DMRT3: variants seen among roughly 807,000 people sequenced by gnomAD.
DMRT3 encodes doublesex- and mab-3-related transcription factor 3.
DMRT3 carries 29 observed loss-of-function variants against 34.9 expected under a neutral mutation model. The ratio of observed to expected loss-of-function variants is 0.83; its 90% CI spans 0.62 to 1.13. The LOEUF (loss-of-function observed/expected upper bound fraction) is 1.13, where lower values mean the gene tolerates loss of function less well. DMRT3 is among the 50% of genes most tolerant of loss of function. The pLI, the probability that DMRT3 is intolerant of heterozygous loss-of-function variation, is 0.00. For missense variants in DMRT3, 772 were observed against 629.1 expected, an observed-to-expected ratio of 1.23 and a Z score of -2.43; for synonymous variants, 350 against 286.0, an observed-to-expected ratio of 1.22 and a Z score of -2.26.
intron 1 of DMRT3, among the ~76,000 whole-genome samples, chr9:986,349 C>G (rs1399195330): frequency 6.6e-6 from 1 of 151,972 alleles, no homozygotes; most frequent in Non-Finnish European, 1.5e-5. Context: ...AAAAAGCCTC[C>G]ATTTTTGTAA....
chr9:986,273 G>C (rs924063514), intron 1 of DMRT3, among the ~76,000 whole-genome samples: 1 of 152,098 alleles, frequency 6.6e-6, no homozygotes, highest in Admixed American at 6.5e-5. Context: ...TATATTGTCA[G>C]ACTTGTAATC....
intron 1 of DMRT3, among the ~76,000 whole-genome samples, chr9:980,693 T>A (rs1002403350): frequency 2.3e-5 from 3 of 128,224 alleles, no homozygotes; most frequent in African/African-American, 8.4e-5. Context: ...CTTCTCCCCA[T>A]GAAAATACAG....
chr9:985,436 G>A (rs896556028), intron 1 of DMRT3, among the ~76,000 whole-genome samples: 3 of 152,096 alleles, frequency 2.0e-5, no homozygotes, highest in African/African-American at 7.2e-5. Flanking sequence ...ACATTTCTAT[G>A]TCTAGAAAGG....
At chr9:979,628 A>T (rs998710891) in intron 1 of DMRT3, among the ~76,000 whole-genome samples, 8 of 151,590 alleles carry the variant, frequency 5.3e-5, no homozygotes, top group Non-Finnish European at 1.2e-4. Context: ...GCAAATCACC[A>T]CTCTGATGGG....
intron 1 of DMRT3, among the ~76,000 whole-genome samples, chr9:982,701 C>G (rs1820236945): frequency 6.6e-6 from 1 of 152,182 alleles, no homozygotes. Context: ...ATCAAAGTCC[C>G]TGGAGGACTC....
intron 1 of DMRT3, among the ~76,000 whole-genome samples, chr9:980,602 G>GTATA (rs71327365): frequency 1.6e-4 from 23 of 142,170 alleles, no homozygotes; most frequent in South Asian, 1.5e-3. Flanking sequence ...ATATGTGTGT[G>GTATA]TATATATATA....
At chr9:977,556 C>T (rs279891) in intron 1 of DMRT3, 101 bp downstream of exon 1, 9 of 1,084,466 alleles carry the variant, frequency 8.3e-6, no homozygotes, top group African/African-American at 5.0e-5. Context: ...AGTTTTGGGA[C>T]GTGGGCCTGT....
At position 991,113 on chromosome 9, in the gene DMRT3, A is replaced by AGC; in HGVS notation, c.*108_*109insGC. On this transcript the variant is annotated 3_prime_UTR_variant, in exon 2 of 2. Transcript: ENST00000190165. ...GTATGCCCTTTCCTTCTGTTTGACA[A>AGC]AGTGACTGTGCTTGATTCTATACAT... The AGC allele has an allele frequency of 7.0e-7, 1 of 1,423,246 alleles. No individual in the cohort carries two copies. The highest frequency in any genetic ancestry group is 1.4e-5 in the African/African-American group (1 of 69,976). 88.2% of individuals were successfully genotyped at this position (1,423,246 alleles called of 1,614,324 possible). A position where few individuals can be genotyped will look rare whatever the true frequency, so the allele number is the denominator to read the frequency against.
intron 1 of DMRT3, among the ~76,000 whole-genome samples, chr9:988,378 C>T (rs1194631836): frequency 6.6e-6 from 1 of 152,156 alleles, no homozygotes; most frequent in Non-Finnish European, 1.5e-5. Context: ...CTTATGTTTG[C>T]CACATATTTA....
intron 1 of DMRT3, among the ~76,000 whole-genome samples, chr9:989,643 G>C (rs1006192447): frequency 4.6e-5 from 7 of 152,188 alleles, no homozygotes; most frequent in African/African-American, 1.7e-4. Context: ...TGCAGAAGAG[G>C]AGCCGGAAGA....
chr9:988,239 A>T (rs1422792560), intron 1 of DMRT3, among the ~76,000 whole-genome samples: 1 of 151,628 alleles, frequency 6.6e-6, no homozygotes, highest in Admixed American at 6.5e-5. Context: ...TCTCATTGGA[A>T]ACCTTATATT....
Position 977,108 on chromosome 9 carries a change from G to T in DMRT3, c.107G>T (p.Gly36Val), listed in dbSNP as rs1357329235. The change falls in exon 1 of 2, where the codon GGC (glycine) becomes GTC (valine). Residue 36 changes from glycine (G) to valine (V), a missense_variant. Coordinates refer to ENST00000190165, the MANE Select transcript of DMRT3 (RefSeq NM_021240.4). ...TPKCARCRNH[G>V]VLSWLKGHKR... The stretch of plus-strand genomic sequence containing the variant: ...AAGTGCGCGCGCTGCCGCAACCATG[G>T]CGTCCTGTCCTGGCTCAAGGGCCAC... 6.2e-7 allele frequency: 1 copy of T among 1,608,304 alleles called. No homozygotes were observed. Among genetic ancestry groups the T allele is most frequent in the Non-Finnish European group, 8.5e-7 (1 of 1,177,856 alleles).
At chr9:983,487 T>C (rs188079937) in intron 1 of DMRT3, among the ~76,000 whole-genome samples, 13 of 152,290 alleles carry the variant, frequency 8.5e-5, no homozygotes, top group Non-Finnish European at 1.5e-4. Flanking sequence ...ACTTGGAATT[T>C]TGCAAAAGAT....
chr9:988,917 T>C (rs529657560), intron 1 of DMRT3, among the ~76,000 whole-genome samples: 1 of 152,374 alleles, frequency 6.6e-6, no homozygotes, highest in African/African-American at 2.4e-5. Context: ...TTCTTTATTA[T>C]AAAGTCCTGT....
At chr9:989,491 G>T (rs1348935535) in intron 1 of DMRT3, among the ~76,000 whole-genome samples, 2 of 152,164 alleles carry the variant, frequency 1.3e-5, no homozygotes, top group African/African-American at 4.8e-5. Context: ...TATTGTATAT[G>T]GTAACCTGAT....
At chr9:984,575 G>A (rs1275476136) in intron 1 of DMRT3, among the ~76,000 whole-genome samples, 2 of 151,878 alleles carry the variant, frequency 1.3e-5, no homozygotes, top group Admixed American at 6.6e-5. Flanking sequence ...TCCTGCCTCA[G>A]CCTCCTGAGT....
chr9:977,217 GGCGCT>G lies in DMRT3; in HGVS notation c.221_225del (p.Leu74ProfsTer80). 6.2e-7 allele frequency: 1 copy of G among 1,603,390 alleles called. No homozygotes were observed. Among genetic ancestry groups the G allele is most frequent in the Non-Finnish European group, 8.5e-7 (1 of 1,175,262 alleles). ...GGCAGCGGGTCATGGCTGCGCAGGT[GGCGCT>G]GCGCCGGCAGCAGGCCAACGAGAGC... On this transcript the variant is annotated frameshift_variant, in exon 1 of 2. Coordinates refer to ENST00000190165, the MANE Select transcript of DMRT3 (RefSeq NM_021240.4). LOFTEE classifies it high-confidence loss of function.
rs140666785 is a variant in DMRT3, at chr9:978,804, G to A, written c.454+1349G>A. Among the ~76,000 whole-genome samples, 350 of 152,306 alleles carry A rather than the reference G, an allele frequency of 2.3e-3. 2 individuals carry two copies. Among genetic ancestry groups the A allele is most frequent in the African/African-American group, 8.1e-3 (337 of 41,564 alleles). The stretch of plus-strand genomic sequence containing the variant: ...AGAGTTTGCCGAACTTGGATTTTGT[G>A]GATATTTAATCCAAGTTAGCATATA... On this transcript the variant is annotated intron_variant, in intron 1 of 1. Coordinates refer to ENST00000190165, the MANE Select transcript of DMRT3 (RefSeq NM_021240.4).
intron 1 of DMRT3, among the ~76,000 whole-genome samples, chr9:978,232 A>C (rs958806807): frequency 1.3e-5 from 2 of 152,124 alleles, no homozygotes; most frequent in Non-Finnish European, 2.9e-5. Flanking sequence ...AAGGAATACA[A>C]AAAATCTGAT....
Sources: allele counts gnomAD v4.1 joint callset (sites outside exome capture counted in the v4.1 genomes callset), GRCh38; gene constraint gnomAD v4.1.1; transcripts MANE v1.5; gene names NCBI Gene and HGNC (gene_info 2026-07-23, HGNC 2026-07-21).